Variants in SGIP1 observed in about 807,000 individuals in gnomAD.
The protein encoded by SGIP1 is SH3-containing GRB2-like protein 3-interacting protein 1.
A neutral mutation model predicts 107.5 loss-of-function variants in SGIP1; 38 were observed. That is an observed-to-expected ratio of 0.35 (90% CI 0.27 to 0.46). SGIP1 has a LOEUF of 0.46. Among genes scored for constraint, SGIP1 ranks in the 20% least tolerant of loss-of-function variants. The pLI, the probability that SGIP1 is intolerant of heterozygous loss-of-function variation, is 1.00. For missense variants in SGIP1, 929 were observed against 1,019.5 expected (o/e 0.91, Z 1.21); for synonymous variants, 365 against 366.1 (o/e 1.00, Z 0.03).
At chr1:66,684,247 G>A in intron 15 of SGIP1, 1 of 1,549,244 alleles carries the variant, frequency 6.5e-7, no homozygotes, top group Non-Finnish European at 8.7e-7. Flanking sequence ...CTTTTGTAAG[G>A]TTTGGTCATA....
intron 1 of SGIP1, among the ~76,000 whole-genome samples, chr1:66,563,905 G>A (rs2148490740): frequency 6.6e-6 from 1 of 152,092 alleles, no homozygotes; most frequent in South Asian, 2.1e-4. Flanking sequence ...TACTGTTAGG[G>A]GCAAATTGTA....
intron 1 of SGIP1, among the ~76,000 whole-genome samples, chr1:66,581,247 T>G (rs540243912): frequency 2.6e-5 from 4 of 152,222 alleles, no homozygotes; most frequent in African/African-American, 9.6e-5. Flanking sequence ...GTCCAAACTC[T>G]GCATTCAGAC....
chr1:66,712,102 A>G (rs1291458709), intron 18 of SGIP1, among the ~76,000 whole-genome samples: 2 of 152,190 alleles, frequency 1.3e-5, no homozygotes, highest in Non-Finnish European at 2.9e-5. Context: ...TGTAAGAAAG[A>G]GACGTTTAAA....
At chr1:66,612,196 G>C (rs937077417) in intron 1 of SGIP1, among the ~76,000 whole-genome samples, 3 of 152,134 alleles carry the variant, frequency 2.0e-5, no homozygotes, top group African/African-American at 7.2e-5. Flanking sequence ...GAGGTGCCAG[G>C]TTCTTTTTAA....
At chr1:66,638,547 T>C (rs891338253) in intron 4 of SGIP1, among the ~76,000 whole-genome samples, 1 of 152,224 alleles carries the variant, frequency 6.6e-6, no homozygotes, top group Non-Finnish European at 1.5e-5. Flanking sequence ...CCAGTTCTTA[T>C]ATTTGTAAAT....
chr1:66,678,791 G>A (rs2085952550), intron 13 of SGIP1, among the ~76,000 whole-genome samples: 2 of 152,124 alleles, frequency 1.3e-5, no homozygotes, highest in Non-Finnish European at 2.9e-5. Context: ...ACCAGCAAGC[G>A]CTCTCCAGCC....
intron 1 of SGIP1, among the ~76,000 whole-genome samples, chr1:66,618,742 C>A (rs1347605601): frequency 1.3e-5 from 2 of 152,326 alleles, no homozygotes; most frequent in East Asian, 3.9e-4. Flanking sequence ...ACAAGAGCTG[C>A]CTTTCCCTCA....
chr1:66,737,706 A>G (rs2094315484), intron 21 of SGIP1, among the ~76,000 whole-genome samples: 2 of 152,192 alleles, frequency 1.3e-5, no homozygotes, highest in African/African-American at 4.8e-5. Flanking sequence ...AGCTAATAAT[A>G]GCCTAATATA....
chr1:66,575,503 G>C (rs2060940022), intron 1 of SGIP1, among the ~76,000 whole-genome samples: 1 of 152,056 alleles, frequency 6.6e-6, no homozygotes, highest in Admixed American at 6.6e-5. Flanking sequence ...AGTATTCTGG[G>C]CACAAATTTA....
intron 12 of SGIP1, 70 bp downstream of exon 12, chr1:66,673,436 A>AATGT (rs1256915644): frequency 7.5e-7 from 1 of 1,334,004 alleles, no homozygotes; most frequent in Non-Finnish European, 1.0e-6. Context: ...TTCTAGATTA[A>AATGT]ATGTATGTAT....
At chr1:66,618,346 C>CA (rs1355427071) in intron 1 of SGIP1, among the ~76,000 whole-genome samples, 1 of 152,100 alleles carries the variant, frequency 6.6e-6, no homozygotes, top group Non-Finnish European at 1.5e-5. Flanking sequence ...AAATAAATAT[C>CA]AAAAAACTGG....
chr1:66,541,676 G>A (rs17129064), intron 1 of SGIP1, among the ~76,000 whole-genome samples: 24,757 of 152,154 alleles, frequency 0.16, 2,194 homozygotes, highest in East Asian at 0.35. Flanking sequence ...TAGTGGTTTA[G>A]GATTTTTGAA....
chr1:66,613,669 A>G (rs768706772), intron 1 of SGIP1, among the ~76,000 whole-genome samples: 21 of 152,166 alleles, frequency 1.4e-4, no homozygotes, highest in Non-Finnish European at 2.2e-4. Context: ...TAAAACTTGC[A>G]TGATTGGCTC....
chr1:66,558,969 G>A (rs954583034), intron 1 of SGIP1, among the ~76,000 whole-genome samples: 2 of 151,982 alleles, frequency 1.3e-5, no homozygotes, highest in African/African-American at 4.8e-5. Context: ...GGGCTAGCAG[G>A]TGTAAATAAC....
At chr1:66,578,697 G>A (rs1036151500) in intron 1 of SGIP1, among the ~76,000 whole-genome samples, 9 of 152,102 alleles carry the variant, frequency 5.9e-5, no homozygotes, top group Admixed American at 2.0e-4. Context: ...TTGAGATGGA[G>A]TTTCACTCTT....
chr1:66,541,220 T>C (rs759430409), intron 1 of SGIP1, among the ~76,000 whole-genome samples: 1 of 152,256 alleles, frequency 6.6e-6, no homozygotes, highest in Non-Finnish European at 1.5e-5. Context: ...GAATGCACAC[T>C]AGGCATTATT....
intron 18 of SGIP1, among the ~76,000 whole-genome samples, chr1:66,701,468 C>T (rs779460179): frequency 3.3e-5 from 5 of 152,182 alleles, no homozygotes; most frequent in Non-Finnish European, 7.3e-5. Context: ...AACCACGCTC[C>T]TTAGCTATTC....
chr1:66,665,833 G>A (rs568979033), intron 8 of SGIP1: 2 of 152,154 alleles, frequency 1.3e-5, no homozygotes, highest in Non-Finnish European at 2.9e-5. Context: ...ATTTTTTCTT[G>A]TAAATTTGTG....
intron 15 of SGIP1, among the ~76,000 whole-genome samples, chr1:66,684,798 T>C (rs1241142143): frequency 6.6e-6 from 1 of 152,238 alleles, no homozygotes; most frequent in Non-Finnish European, 1.5e-5. Flanking sequence ...TTCTGGAATT[T>C]TTGAGAGTTT....
Sources: gnomAD v4.1 joint callset for allele counts (sites outside exome capture counted in the v4.1 genomes callset) on GRCh38, gnomAD v4.1.1 for gene constraint, MANE v1.5 for transcripts, NCBI Gene and HGNC (gene_info 2026-07-23, HGNC 2026-07-21) for gene names.